Variants in IFI6 observed in about 807,000 individuals in gnomAD.
IFI6 encodes the protein interferon alpha inducible protein 6, also known as interferon alpha-inducible protein 6.
Under a neutral mutation model 12.7 loss-of-function variants are expected in IFI6, and 10 were observed. The observed-to-expected ratio is 0.79, with a 90% confidence interval of 0.49 to 1.33. IFI6 has a LOEUF of 1.33. IFI6 is among the 40% of genes most tolerant of loss of function. The pLI is 0.00. For synonymous variants in IFI6, 89 were observed against 86.2 expected (o/e 1.03, Z -0.18); for missense variants, 154 against 180.4 (o/e 0.85, Z 0.84).
chr1:27,669,623 G>T (rs2090389258), intron 1 of IFI6: 2 of 411,200 alleles, frequency 4.9e-6, no homozygotes, highest in Non-Finnish European at 4.6e-6. Context: ...GACTGTGGTT[G>T]TTCCTGGCCT....
intron 4 of IFI6, among the ~76,000 whole-genome samples, chr1:27,667,782 A>C (rs2090362511): frequency 6.6e-6 from 1 of 152,186 alleles, no homozygotes; most frequent in African/African-American, 2.4e-5. Flanking sequence ...TAAGTTACTT[A>C]ATTTCTGGCC....
intron 4 of IFI6, among the ~76,000 whole-genome samples, chr1:27,666,899 C>T (rs2090356128): frequency 6.6e-6 from 1 of 152,086 alleles, no homozygotes; most frequent in South Asian, 2.1e-4. Context: ...AGGGGTGTGG[C>T]CCCGTCTGAG....
intron 1 of IFI6, 36 bp from the exon 2 acceptor site, chr1:27,669,382 A>G (rs1571434167): frequency 7.5e-7 from 1 of 1,335,144 alleles, no homozygotes; most frequent in African/African-American, 1.5e-5. Context: ...TCCCCGGAGC[A>G]TTTTTGGAGC....
At chr1:27,670,814 C>T (rs2090398687) in intron 1 of IFI6, among the ~76,000 whole-genome samples, 1 of 152,182 alleles carries the variant, frequency 6.6e-6, no homozygotes, top group South Asian at 2.1e-4. Context: ...CATTGGTAAT[C>T]AGCTTAACCT....
At chr1:27,666,686 G>A (rs115513468) in intron 4 of IFI6, among the ~76,000 whole-genome samples, 3,041 of 152,170 alleles carry the variant, frequency 0.02, 102 homozygotes, top group African/African-American at 0.069. Flanking sequence ...AAAAATAATG[G>A]CTCCTTCACC....
At chr1:27,669,199 G>T in intron 2 of IFI6, 46 bp downstream of exon 2, 1 of 1,544,004 alleles carries the variant, frequency 6.5e-7, no homozygotes, top group Non-Finnish European at 8.8e-7. Flanking sequence ...ATCCTTACCT[G>T]CACCCTTACC....
At chr1:27,668,119 A>T in intron 4 of IFI6, 107 bp downstream of exon 4, 1 of 1,020,082 alleles carries the variant, frequency 9.8e-7, no homozygotes, top group Non-Finnish European at 1.4e-6. Context: ...TAAACTACTT[A>T]ATTACTTGAG....
rs749134961 is a variant in IFI6 at position 27,668,491 on chromosome 1, A to G, written c.115T>C (p.Trp39Arg). The part of the protein sequence containing the change: ...SESSDSGSGF[W>R]KALTFMAVGG... ...ACGGCCATGAAGGTCAGGGCCTTCC[A>G]GAACCCGGAGCCGCTGTCCGAGCTC... is the stretch of plus-strand genomic sequence containing the variant. The change falls in exon 3 of 5, where the codon TGG (tryptophan) becomes CGG (arginine). Residue 39 changes from tryptophan (W) to arginine (R), a missense_variant. Transcript: ENST00000361157. 6.2e-7 allele frequency: 1 copy of G among 1,611,582 alleles called. No homozygotes were observed. Among genetic ancestry groups the G allele is most frequent in the South Asian group, 1.1e-5 (1 of 90,422 alleles).
chr1:27,667,164 G>A (rs1242472307), intron 4 of IFI6, among the ~76,000 whole-genome samples: 1 of 147,722 alleles, frequency 6.8e-6, no homozygotes, highest in African/African-American at 2.5e-5. Context: ...AACACTTTGG[G>A]AGGCCAAAGT....
chr1:27,671,103 C>T (rs1571435591), intron 1 of IFI6, among the ~76,000 whole-genome samples: 1 of 152,174 alleles, frequency 6.6e-6, no homozygotes, highest in East Asian at 1.9e-4. Flanking sequence ...CCCTCAGACT[C>T]ACCTCTAATA....
At chr1:27,668,102 T>C in intron 4 of IFI6, 124 bp downstream of exon 4, 1 of 934,280 alleles carries the variant, frequency 1.1e-6, no homozygotes, top group Non-Finnish European at 1.5e-6. Flanking sequence ...AATCACTTAA[T>C]TCCTGGTAAA....
rs775493968 is a variant in IFI6 at position 27,671,487 on chromosome 1, TCTC to T, written c.-33+633_-33+635del. ...GCTCCACCTCCCAGGTTCATGCCAT[TCTC>T]CTGCCTGCCTCAGCCTCCCGAGTAG... On this transcript the variant is annotated intron_variant, in intron 1 of 4. Transcript: ENST00000361157. Among the ~76,000 whole-genome samples, 9 of 151,392 alleles carry T rather than the reference TCTC, an allele frequency of 5.9e-5. No individual in the cohort carries two copies. The East Asian group carries it at 9.7e-4, about 16-fold the overall frequency.
chr1:27,666,968 G>A (rs2090356608), intron 4 of IFI6, among the ~76,000 whole-genome samples: 1 of 146,872 alleles, frequency 6.8e-6, no homozygotes, highest in South Asian at 2.3e-4. Context: ...ATTGAGAGAA[G>A]AGAAGATGCG....
At chr1:27,671,049 C>T (rs1259675524) in intron 1 of IFI6, among the ~76,000 whole-genome samples, 1 of 152,166 alleles carries the variant, frequency 6.6e-6, no homozygotes, top group East Asian at 1.9e-4. Context: ...AATTCATGAA[C>T]CTATGCTCTT....
intron 1 of IFI6, 139 bp from the exon 2 acceptor site, chr1:27,669,485 C>T: frequency 1.7e-6 from 1 of 597,796 alleles, no homozygotes. Context: ...CTCTCAGGAG[C>T]CTCGGGAATC....
chr1:27,666,439 C>A lies in IFI6; in HGVS notation c.335G>T (p.Gly112Val), dbSNP rs1343136639. The change falls in exon 5 of 5, where the codon GGT becomes GTT. Residue 112 changes from glycine (G) to valine (V), a missense_variant. By Grantham distance (109) the Gly-to-Val change is moderately radical. Transcript: ENST00000361157. ...GTGGGTGGCGTAGCCCATCAGGGCA[C>A]CAATATTACCTATGACGACGCTGCT... is the stretch of plus-strand genomic sequence containing the variant. The part of the protein sequence containing the change: ...GGSSVVIGNI[G>V]ALMGYATHKY... 6.2e-7 allele frequency: 1 copy of A among 1,613,904 alleles called. No homozygotes were observed. Among genetic ancestry groups the A allele is most frequent in the South Asian group, 1.1e-5 (1 of 91,062 alleles).
At chr1:27,671,288 C>T (rs1291503285) in intron 1 of IFI6, among the ~76,000 whole-genome samples, 2 of 151,908 alleles carry the variant, frequency 1.3e-5, no homozygotes, top group Non-Finnish European at 2.9e-5. Flanking sequence ...AACTGAAGCT[C>T]AGAGAGGTTA....
intron 1 of IFI6, among the ~76,000 whole-genome samples, chr1:27,670,883 T>G (rs2090399427): frequency 6.6e-6 from 1 of 152,250 alleles, no homozygotes; most frequent in South Asian, 2.1e-4. Context: ...ATTAGACAGT[T>G]ATCACTCAAA....
chr1:27,669,436 T>A, intron 1 of IFI6, 90 bp from the exon 2 acceptor site: 1 of 778,136 alleles, frequency 1.3e-6, no homozygotes, highest in Non-Finnish European at 2.2e-6. Context: ...ACTGAATCAG[T>A]AAAAAGCAGC....
Sources: gnomAD v4.1 joint callset for allele counts (sites outside exome capture counted in the v4.1 genomes callset) on GRCh38, gnomAD v4.1.1 for gene constraint, MANE v1.5 for transcripts, NCBI Gene and HGNC (gene_info 2026-07-23, HGNC 2026-07-21) for gene names.